Variants in CMTM8 observed in about 807,000 individuals in gnomAD.
CMTM8 encodes the protein CKLF like MARVEL transmembrane domain containing 8.
In CMTM8, 12 loss-of-function variants were observed where a neutral mutation model predicts 18.6. The observed-to-expected ratio is 0.65, with a 90% CI of 0.41 to 1.05. The LOEUF (loss-of-function observed/expected upper bound fraction) is 1.05. CMTM8 is among the 50% of genes least tolerant of loss of function. The pLI, the probability that CMTM8 is intolerant of heterozygous loss-of-function variation, is 0.00. For missense variants in CMTM8, 217 were observed against 227.2 expected (o/e 0.95, Z 0.29); for synonymous variants, 87 against 90.6 (o/e 0.96, Z 0.23).
At chr3:32,327,304 C>A (rs1696181664) in intron 1 of CMTM8, among the ~76,000 whole-genome samples, 2 of 152,134 alleles carry the variant, frequency 1.3e-5, no homozygotes, top group African/African-American at 4.8e-5. Flanking sequence ...TTGATAACAT[C>A]TTTTAGAAAA....
chr3:32,335,315 G>A (rs1696365180), intron 1 of CMTM8, among the ~76,000 whole-genome samples: 1 of 152,172 alleles, frequency 6.6e-6, no homozygotes, highest in South Asian at 2.1e-4. Context: ...GAGCATATTT[G>A]TGCTCATCTC....
chr3:32,259,684 G>T, intron 1 of CMTM8: 2 of 1,187,518 alleles, frequency 1.7e-6, no homozygotes, highest in Non-Finnish European at 2.5e-6. Context: ...CCAAGATCAT[G>T]GCAGACATCC....
chr3:32,320,475 A>G (rs1696022195), intron 1 of CMTM8, among the ~76,000 whole-genome samples: 1 of 152,188 alleles, frequency 6.6e-6, no homozygotes, highest in South Asian at 2.1e-4. Context: ...TGAGGGTGGT[A>G]GGGGTGGGAG....
At chr3:32,309,324 T>TTTC (rs1337031764) in intron 1 of CMTM8, among the ~76,000 whole-genome samples, 5 of 138,722 alleles carry the variant, frequency 3.6e-5, no homozygotes, top group Non-Finnish European at 7.7e-5. Context: ...TTTTTTTTTT[T>TTTC]CGAGACAGAG....
intron 1 of CMTM8, among the ~76,000 whole-genome samples, chr3:32,307,905 T>TGGCAGGCCATGTTCAAGGAGTG (rs1182574365): frequency 6.6e-6 from 1 of 152,172 alleles, no homozygotes; most frequent in Non-Finnish European, 1.5e-5. Context: ...GAGAAGGCCC[T>TGGCAGGCCATGTTCAAGGAGTG]GGCAGGCCAT....
At chr3:32,318,539 C>T (rs1695974484) in intron 1 of CMTM8, among the ~76,000 whole-genome samples, 1 of 151,502 alleles carries the variant, frequency 6.6e-6, no homozygotes. Flanking sequence ...CACATCTGCC[C>T]ACCACTTAGC....
intron 1 of CMTM8, among the ~76,000 whole-genome samples, chr3:32,348,557 ACT>A (rs1174573911): frequency 6.6e-5 from 6 of 90,918 alleles, no homozygotes. Context: ...ACAAGATCTG[ACT>A]CTGATCTCAG....
At chr3:32,241,850 C>T (rs933821629) in intron 1 of CMTM8, among the ~76,000 whole-genome samples, 1 of 152,196 alleles carries the variant, frequency 6.6e-6, no homozygotes, top group Non-Finnish European at 1.5e-5. Flanking sequence ...CTTGTTTGCC[C>T]TGGTGTTAGT....
intron 1 of CMTM8, among the ~76,000 whole-genome samples, chr3:32,278,130 G>T (rs1429745830): frequency 6.6e-6 from 1 of 152,134 alleles, no homozygotes; most frequent in African/African-American, 2.4e-5. Flanking sequence ...GTCTGCTCCA[G>T]CCTTCAGTAG....
Position 32,367,927 on chromosome 3 carries a change from A to T in CMTM8, c.377A>T (p.Asp126Val). ...TTGTACCTCTCTGCCGCTGTTGTAG[A>T]TGCATCTTCCGTCTCCCCTGAGAGG... ...FVLYLSAAVVDASSVSPERDS... is the reference protein window; with the variant it reads ...FVLYLSAAVVVASSVSPERDS... Residue 126 changes from aspartate to valine, a missense_variant, in exon 3 of 4, where the codon GAT (aspartate) becomes GTT (valine). By Grantham distance (152) the Asp-to-Val change is radical. Transcript: ENST00000307526. 1 of 1,614,104 alleles carries T rather than the reference A, an allele frequency of 6.2e-7. No individual in the cohort carries two copies. Among genetic ancestry groups the T allele is most frequent in the South Asian group, 1.1e-5 (1 of 91,080 alleles).
At chr3:32,305,542 C>T (rs1258234522) in intron 1 of CMTM8, among the ~76,000 whole-genome samples, 2 of 152,184 alleles carry the variant, frequency 1.3e-5, no homozygotes, top group African/African-American at 4.8e-5. Flanking sequence ...GGTTATATCA[C>T]AGCTGTTGAC....
chr3:32,324,643 A>C (rs2125579712), intron 1 of CMTM8, among the ~76,000 whole-genome samples: 1 of 152,332 alleles, frequency 6.6e-6, no homozygotes, highest in Middle Eastern at 3.4e-3. Flanking sequence ...CAAAGATGGC[A>C]GGGCCTTTTG....
At chr3:32,244,996 G>A (rs957773613) in intron 1 of CMTM8, among the ~76,000 whole-genome samples, 1 of 152,056 alleles carries the variant, frequency 6.6e-6, no homozygotes, top group African/African-American at 2.4e-5. Flanking sequence ...CTTAAATAAC[G>A]TACTGTGTTT....
chr3:32,283,011 G>GT (rs34704279), intron 1 of CMTM8, among the ~76,000 whole-genome samples: 1 of 151,946 alleles, frequency 6.6e-6, no homozygotes, highest in African/African-American at 2.4e-5. Flanking sequence ...TGTATGTACT[G>GT]TTTTTTTGGT....
intron 1 of CMTM8, among the ~76,000 whole-genome samples, chr3:32,337,204 A>G (rs1696406098): frequency 6.6e-6 from 1 of 152,198 alleles, no homozygotes; most frequent in African/African-American, 2.4e-5. Context: ...TTGAGGACCA[A>G]GTTTCCAACA....
intron 1 of CMTM8, among the ~76,000 whole-genome samples, chr3:32,264,778 C>CAA (rs577804479): frequency 6.6e-6 from 1 of 151,044 alleles, no homozygotes; most frequent in African/African-American, 2.4e-5. Context: ...AAATGGAAAG[C>CAA]AAAAAAAAGG....
intron 1 of CMTM8, among the ~76,000 whole-genome samples, chr3:32,303,036 C>A (rs1344963769): frequency 3.9e-5 from 6 of 152,206 alleles, no homozygotes; most frequent in African/African-American, 1.2e-4. Context: ...TGCCCGATTG[C>A]ACAGCTTTCT....
intron 1 of CMTM8, among the ~76,000 whole-genome samples, chr3:32,272,721 A>T (rs1345050862): frequency 6.6e-6 from 1 of 152,282 alleles, no homozygotes; most frequent in East Asian, 1.9e-4. Flanking sequence ...ATTGAAAGGG[A>T]CATCTTTTCA....
chr3:32,251,504 A>AG (rs58495200), intron 1 of CMTM8, among the ~76,000 whole-genome samples: 151,850 of 151,852 alleles, frequency 1, 75,924 homozygotes, highest in Non-Finnish European at 1. Context: ...TGGTGGAGAC[A>AG]GGTTTTGCCA....
Sources: allele counts gnomAD v4.1 joint callset (sites outside exome capture counted in the v4.1 genomes callset), GRCh38; gene constraint gnomAD v4.1.1; transcripts MANE v1.5; gene names NCBI Gene and HGNC (gene_info 2026-07-23, HGNC 2026-07-21).